The following LMTK3 variants were observed in gnomAD, a reference collection of about 807,000 sequenced individuals.
The protein encoded by LMTK3 is serine/threonine-protein kinase LMTK3.
LMTK3 carries 27 observed loss-of-function variants against 116.7 expected under a neutral mutation model. That is an observed-to-expected ratio of 0.23 (90% confidence interval 0.17 to 0.32). The LOEUF is 0.32. LMTK3 is among the 10% of genes least tolerant of loss of function. LMTK3 has a pLI of 1.00. For missense variants in LMTK3, 1,764 were observed against 2,068.5 expected (o/e 0.85, Z 2.86); for synonymous variants, 965 against 971.0 (o/e 0.99, Z 0.11).
Position 48,493,769 on chromosome 19 carries a change from T to C in LMTK3, c.4017A>G (p.Pro1339=), listed in dbSNP as rs749596448. The change falls in exon 12 of 15, where the codon CCA becomes CCG. Residue 1339 remains proline, a synonymous_variant. Coordinates refer to ENST00000600059, the MANE Select transcript of LMTK3 (RefSeq NM_001388485.1). ...LLKSPRGADE[P]EDSELERKRK... Reference sequence around the variant, plus strand: ...GCTTCCTCTCCAGCTCGCTGTCCTCTGGCTCGTCGGCCCCGCGCGGAGACT... The same window carrying C: ...GCTTCCTCTCCAGCTCGCTGTCCTCCGGCTCGTCGGCCCCGCGCGGAGACT... The C allele has an allele frequency of 1.3e-6, 2 of 1,550,138 alleles. No homozygotes were observed. The highest frequency in any genetic ancestry group is 1.7e-6 in the Non-Finnish European group (2 of 1,149,158).
chr19:48,501,578 GA>G lies in LMTK3; in HGVS notation c.795-17del, dbSNP rs1173181096. The G allele has an allele frequency of 1.9e-6, 3 of 1,594,540 alleles. No individual in the cohort carries two copies. Among genetic ancestry groups the G allele is most frequent in the Non-Finnish European group, 2.6e-6 (3 of 1,173,446 alleles). ...GGCCAGGTCGCTGCGGGAAGAACGC[GA>G]GGAGGTGAGCGCAGGGGCAGCCCTC... On this transcript the variant is annotated splice_polypyrimidine_tract_variant and intron_variant, in intron 7 of 14. Coordinates refer to ENST00000600059, the MANE Select transcript of LMTK3 (RefSeq NM_001388485.1).
Position 48,491,598 on chromosome 19 carries a change from C to T in LMTK3, c.4093-59G>A. On this transcript the variant is annotated intron_variant, in intron 12 of 14. Transcript: ENST00000600059. The surrounding 1 kb of genome is among the most constrained non-coding windows in gnomAD (Gnocchi z 5.1). ...ACAAACCTTCACGTCCCATTTACCG[C>T]ATCCCCCAAAAGCAACAAAACCGGC... is the stretch of plus-strand genomic sequence containing the variant. The T allele has an allele frequency of 6.3e-6, 8 of 1,279,962 alleles. No homozygotes were observed. Among genetic ancestry groups the T allele is most frequent in the Non-Finnish European group, 7.0e-6 (7 of 1,001,792 alleles). The allele number at this position is 1,279,962 out of a possible 1,614,324, so 79.3% of individuals were successfully genotyped here.
Position 48,493,911 on chromosome 19 carries a change from GCCGCCTCCTCGT to G in LMTK3, c.3863_3874del (p.Asp1288_Ala1291del). ...CGGCCCCGCCGCCGCGCCCGGCGCC[GCCGCCTCCTCGT>G]CCTCCTCCTCGTCCTCGTCCTCGTC... On this transcript the variant is annotated inframe_deletion, in exon 12 of 15. Coordinates refer to ENST00000600059, the MANE Select transcript of LMTK3 (RefSeq NM_001388485.1). 1 of 1,029,138 alleles carries G rather than the reference GCCGCCTCCTCGT, an allele frequency of 9.7e-7. No individual in the cohort carries two copies. The highest frequency in any genetic ancestry group is 1.2e-6 in the Non-Finnish European group (1 of 862,136). 63.8% of individuals were successfully genotyped at this position (1,029,138 alleles called of 1,614,324 possible).
Position 48,498,717 on chromosome 19 carries a change from C to G in LMTK3, c.2352G>C (p.Ser784=), listed in dbSNP as rs1330559057. ...TGTCCCCCGGCTTGGGGCCCGGCGA[C>G]GAGAGGCCTGAACCGGGACTGGCCA... The part of the protein sequence containing the change: ...SAVASPGSGL[S]SPGPKPGDSG... Residue 784 remains serine (S), a synonymous_variant, in exon 11 of 15, where the codon TCG becomes TCC. Transcript: ENST00000600059. The G allele has an allele frequency of 6.5e-7, 1 of 1,529,296 alleles. No homozygotes were observed. Among genetic ancestry groups the G allele is most frequent in the Non-Finnish European group, 8.7e-7 (1 of 1,144,256 alleles). The allele number at this position is 1,529,296 out of a possible 1,614,324, so 94.7% of individuals were successfully genotyped here.
intron 4 of LMTK3, 90 bp from the exon 5 acceptor site, chr19:48,509,059 C>A (rs1972614772): frequency 2.4e-6 from 2 of 828,290 alleles, no homozygotes; most frequent in Admixed American, 2.5e-5. Flanking sequence ...AGCTCCCAAC[C>A]CCCGGCTCCT....
intron 5 of LMTK3, among the ~76,000 whole-genome samples, chr19:48,504,649 A>G (rs1972533151): frequency 6.6e-6 from 1 of 151,384 alleles, no homozygotes; most frequent in Admixed American, 6.6e-5. Context: ...TCCCGGGTTC[A>G]AGTGATTCTC....
Position 48,485,657 on chromosome 19 carries a change from C to A in LMTK3, c.*116G>T. The A allele has an allele frequency of 1.7e-6, 2 of 1,185,530 alleles. No homozygotes were observed. Among genetic ancestry groups the A allele is most frequent in the Non-Finnish European group, 1.2e-6 (1 of 822,142 alleles). 73.4% of individuals were successfully genotyped at this position (1,185,530 alleles called of 1,614,324 possible). On this transcript the variant is annotated 3_prime_UTR_variant, in exon 15 of 15. Coordinates refer to ENST00000600059, the MANE Select transcript of LMTK3 (RefSeq NM_001388485.1). ...GGGAGTGGGAGGGGGAGGGCCCAGCCTCGGGGGCCTCCCCAGAGGCGGCGT... is the reference window on the plus strand; with the variant it reads ...GGGAGTGGGAGGGGGAGGGCCCAGCATCGGGGGCCTCCCCAGAGGCGGCGT...
At chr19:48,509,845 C>T (rs977221754) in intron 3 of LMTK3, among the ~76,000 whole-genome samples, 178 bp downstream of exon 3, 7 of 152,172 alleles carry the variant, frequency 4.6e-5, no homozygotes, top group Non-Finnish European at 7.4e-5. Flanking sequence ...TGGCTTCCAC[C>T]AAGATGATCT....
intron 5 of LMTK3, among the ~76,000 whole-genome samples, chr19:48,507,909 C>T (rs7259516): frequency 0.097 from 14,764 of 152,128 alleles, 2,373 homozygotes; most frequent in African/African-American, 0.34. Flanking sequence ...CATGCCATGA[C>T]GGGGTGAAGC....
Position 48,497,910 on chromosome 19 carries a change from C to T in LMTK3, c.3159G>A (p.Glu1053=). Residue 1053 remains glutamate, a synonymous_variant, in exon 11 of 15, where the codon GAG becomes GAA. Transcript: ENST00000600059. This position sits in a 1 kb window ranked among gnomAD's most constrained non-coding sequence, Gnocchi z 5.7. ...CCACTGCGCTGGGTGCAGGGGCTCT[C>T]TCCAGAGAGGTCTCTGGGGCTGGCT... The part of the protein sequence containing the change: ...IGEPAPETSL[E]RAPAPSAVVS... 1 of 1,512,838 alleles carries T rather than the reference C, an allele frequency of 6.6e-7. No homozygotes were observed. The highest frequency in any genetic ancestry group is 8.8e-7 in the Non-Finnish European group (1 of 1,136,026). The allele number at this position is 1,512,838 out of a possible 1,614,324, so 93.7% of individuals were successfully genotyped here.
chr19:48,510,737 A>G (rs1297466018), intron 1 of LMTK3, 145 bp from the exon 2 acceptor site: 3 of 965,120 alleles, frequency 3.1e-6, no homozygotes, highest in Non-Finnish European at 4.4e-6. Flanking sequence ...AGAGTGGCCC[A>G]AGGCATTGTG....
Position 48,501,581 on chromosome 19 carries a change from G to A in LMTK3, c.795-19C>T. ...CAGGTCGCTGCGGGAAGAACGCGAG[G>A]AGGTGAGCGCAGGGGCAGCCCTCCA... On this transcript the variant is annotated intron_variant, in intron 7 of 14. Coordinates refer to ENST00000600059, the MANE Select transcript of LMTK3 (RefSeq NM_001388485.1). The A allele has an allele frequency of 6.3e-7, 1 of 1,592,142 alleles. No individual in the cohort carries two copies. Among genetic ancestry groups the A allele is most frequent in the East Asian group, 2.3e-5 (1 of 43,896 alleles).
chr19:48,497,474 TG>T lies in LMTK3; in HGVS notation c.3594del (p.Lys1199SerfsTer117). 8.6e-6 allele frequency: 13 copies of T among 1,506,778 alleles called. No homozygotes were observed. Among genetic ancestry groups the T allele is most frequent in the Admixed American group, 6.8e-5 (3 of 44,076 alleles). 93.3% of individuals were successfully genotyped at this position (1,506,778 alleles called of 1,614,324 possible). The stretch of plus-strand genomic sequence containing the variant: ...ATCTCGGGGCCCTTCCTCTCGGGCT[TG>T]GGGGGGTCCCCGTCTCCGCTGAGTG... The part of the protein sequence containing the change: ...DTALSGDGDP[P>X]KPERKGPEMP... On this transcript the variant is annotated frameshift_variant, in exon 11 of 15. Coordinates refer to ENST00000600059, the MANE Select transcript of LMTK3 (RefSeq NM_001388485.1). LOFTEE classifies it high-confidence loss of function. The surrounding 1 kb of genome is among the most constrained non-coding windows in gnomAD (Gnocchi z 5.7).
At chr19:48,506,465 C>A (rs964234060) in intron 5 of LMTK3, among the ~76,000 whole-genome samples, 2 of 152,094 alleles carry the variant, frequency 1.3e-5, no homozygotes, top group East Asian at 1.9e-4. Flanking sequence ...AGCCCAGGGT[C>A]TGGCCAGGAG....
intron 14 of LMTK3, among the ~76,000 whole-genome samples, chr19:48,486,313 C>T (rs2147524834): frequency 6.6e-6 from 1 of 151,916 alleles, no homozygotes; most frequent in African/African-American, 2.4e-5. Context: ...CCCGCCTCGG[C>T]CTCCCAAAGT....
In LMTK3 at chr19:48,500,019, A is replaced by C; in HGVS notation, c.1152-102T>G. ...CAGAGAGAGGGGGACAGAGACCCAG[A>C]GGGTAACAGAGACCCAGAGAGAGGG... On this transcript the variant is annotated intron_variant, in intron 10 of 14. Coordinates refer to ENST00000600059, the MANE Select transcript of LMTK3 (RefSeq NM_001388485.1). This position sits in a 1 kb window ranked among gnomAD's most constrained non-coding sequence, Gnocchi z 4.0. The C allele has an allele frequency of 8.7e-7, 1 of 1,155,994 alleles. No homozygotes were observed. The highest frequency in any genetic ancestry group is 1.6e-5 in the South Asian group (1 of 63,230). 71.6% of individuals were successfully genotyped at this position (1,155,994 alleles called of 1,614,324 possible). A position where few individuals can be genotyped will look rare whatever the true frequency, so the allele number is the denominator to read the frequency against.
upstream of LMTK3, among the ~76,000 whole-genome samples, chr19:48,512,024 C>G (rs1401593266): frequency 3.2e-5 from 4 of 123,414 alleles, no homozygotes; most frequent in Non-Finnish European, 6.4e-5. Context: ...GGGGGAGGGA[C>G]AGACAGGGAC....
At chr19:48,503,969 G>C (rs1454418310) in intron 5 of LMTK3, among the ~76,000 whole-genome samples, 2 of 151,532 alleles carry the variant, frequency 1.3e-5, no homozygotes, top group African/African-American at 4.8e-5. Flanking sequence ...CCGGGTTCAA[G>C]CGATTCTCCT....
intron 6 of LMTK3, 99 bp downstream of exon 6, chr19:48,502,807 CGAT>C (rs981847356): frequency 3.1e-4 from 287 of 934,166 alleles, no homozygotes; most frequent in Non-Finnish European, 3.7e-4. Context: ...ACATCATCTA[CGAT>C]GATGATGATG....
Sources: allele counts gnomAD v4.1 joint callset (sites outside exome capture counted in the v4.1 genomes callset), GRCh38; gene constraint gnomAD v4.1.1; non-coding constraint Gnocchi (gnomAD v3.1); transcripts MANE v1.5; gene names NCBI Gene and HGNC (gene_info 2026-07-23, HGNC 2026-07-21).